The following ASTN2 variants were observed in gnomAD, a reference collection of about 807,000 sequenced individuals.
ASTN2 encodes astrotactin-2.
A neutral mutation model predicts 139.8 loss-of-function variants in ASTN2; 54 were observed. The ratio of observed to expected loss-of-function variants is 0.39; its 90% CI spans 0.31 to 0.48. The LOEUF is 0.48. Among genes scored for constraint, ASTN2 ranks in the 20% least tolerant of loss-of-function variants. ASTN2 has a pLI of 0.95. For missense variants in ASTN2, 1,565 were observed against 1,725.1 expected, an observed-to-expected ratio of 0.91 and a Z score of 1.64; for synonymous variants, 756 against 719.5, an observed-to-expected ratio of 1.05 and a Z score of -0.81.
chr9:116,833,959 G>T (rs1831904082), intron 11 of ASTN2, among the ~76,000 whole-genome samples: 1 of 84,916 alleles, frequency 1.2e-5, no homozygotes, highest in South Asian at 3.8e-4. Context: ...AGGCAAGCAA[G>T]GAAAAGGGAA....
chr9:116,616,544 G>A (rs553162524), intron 19 of ASTN2, among the ~76,000 whole-genome samples: 5 of 152,270 alleles, frequency 3.3e-5, no homozygotes, highest in African/African-American at 9.6e-5. Flanking sequence ...AGTCACATAC[G>A]TCTTTGGGAT....
chr9:117,398,593 A>G (rs1429036778), intron 1 of ASTN2, among the ~76,000 whole-genome samples: 1 of 152,156 alleles, frequency 6.6e-6, no homozygotes, highest in Non-Finnish European at 1.5e-5. Flanking sequence ...CCTTGGACAA[A>G]TCTCTTCCCC....
chr9:116,567,893 T>C (rs1267390495), intron 19 of ASTN2, among the ~76,000 whole-genome samples: 2 of 152,156 alleles, frequency 1.3e-5, no homozygotes, highest in Non-Finnish European at 2.9e-5. Flanking sequence ...ATCCCAGATA[T>C]GAAAACCAAG....
intron 15 of ASTN2, among the ~76,000 whole-genome samples, chr9:116,727,781 A>G (rs1323618845): frequency 3.9e-5 from 6 of 152,208 alleles, no homozygotes; most frequent in Non-Finnish European, 8.8e-5. Flanking sequence ...TGGGCAAGTT[A>G]TTTAACCTCC....
At chr9:117,024,604 T>C (rs1162676302) in intron 6 of ASTN2, among the ~76,000 whole-genome samples, 2 of 151,958 alleles carry the variant, frequency 1.3e-5, no homozygotes, top group Non-Finnish European at 1.5e-5. Context: ...ATAATCAGTG[T>C]AGTGATAAAG....
At chr9:117,149,013 A>ATTTATT (rs1239164045) in intron 3 of ASTN2, among the ~76,000 whole-genome samples, 2 of 151,106 alleles carry the variant, frequency 1.3e-5, no homozygotes, top group African/African-American at 4.9e-5. Context: ...TTAATTTTAA[A>ATTTATT]TTTATTTTTA....
intron 11 of ASTN2, among the ~76,000 whole-genome samples, chr9:116,822,438 G>A (rs775880371): frequency 6.6e-6 from 1 of 152,104 alleles, no homozygotes. Context: ...CTCAGAGGAA[G>A]CCCCTGCTTG....
intron 13 of ASTN2, among the ~76,000 whole-genome samples, chr9:116,791,415 C>T (rs1830554832): frequency 1.3e-5 from 2 of 152,198 alleles, no homozygotes; most frequent in South Asian, 4.1e-4. Flanking sequence ...CTGTGGACTC[C>T]ATTAAGAATG....
intron 1 of ASTN2, among the ~76,000 whole-genome samples, chr9:117,347,990 G>C (rs71507513): frequency 0.014 from 2,061 of 152,282 alleles, 12 homozygotes; most frequent in Non-Finnish European, 0.021. Flanking sequence ...ATTCTAATCA[G>C]GGTCTATTAC....
In ASTN2 at chr9:116,425,572, C is replaced by A; in HGVS notation, c.*279G>T. On this transcript the variant is annotated 3_prime_UTR_variant, in exon 23 of 23. Coordinates refer to ENST00000313400, the MANE Select transcript of ASTN2 (RefSeq NM_001365068.1). ...AAAACTTCTGCCTCGGGATTGACAG[C>A]CATCCATAAGAAAAGGTTTAAAAAG... 8.7e-6 allele frequency: 14 copies of A among 1,613,084 alleles called. No homozygotes were observed. Among genetic ancestry groups the A allele is most frequent in the Non-Finnish European group, 1.2e-5 (14 of 1,179,744 alleles).
intron 1 of ASTN2, among the ~76,000 whole-genome samples, chr9:117,322,495 A>G (rs556001713): frequency 3.3e-5 from 5 of 152,294 alleles, no homozygotes; most frequent in South Asian, 4.1e-4. Flanking sequence ...GAGCAGAGAT[A>G]ACTCATCTAA....
intron 3 of ASTN2, among the ~76,000 whole-genome samples, chr9:117,175,180 A>C (rs1041147098): frequency 6.6e-6 from 1 of 152,138 alleles, no homozygotes; most frequent in Non-Finnish European, 1.5e-5. Context: ...ATGTAATACA[A>C]GTGAAAAGAT....
chr9:117,201,770 A>AT (rs1831729279), intron 3 of ASTN2, among the ~76,000 whole-genome samples: 1 of 152,106 alleles, frequency 6.6e-6, no homozygotes, highest in Admixed American at 6.6e-5. Context: ...AATGTGGTTG[A>AT]TTTTAGAATA....
In ASTN2 at chr9:116,948,785, G is replaced by GTTTTTTTTTTTTTT. The variant is rs58832163; in HGVS notation, c.1889+26409_1889+26422dup. 2.5e-3 allele frequency among the ~76,000 whole-genome samples: 124 copies of GTTTTTTTTTTTTTT among 49,474 alleles called. 31 individuals are homozygous for GTTTTTTTTTTTTTT. The highest frequency in any genetic ancestry group is 0.01 in the African/African-American group (119 of 11,590). 32.5% of individuals were successfully genotyped at this position (49,474 alleles called of 152,430 possible). On this transcript the variant is annotated intron_variant, in intron 10 of 22. Coordinates refer to ENST00000313400, the MANE Select transcript of ASTN2 (RefSeq NM_001365068.1). ...AGAGAGAGGAGAGAAATAATTTGGTGTTTTTTTTTTTTTTTTTTTTTTTTT... is the reference window on the plus strand; with the variant it reads ...AGAGAGAGGAGAGAAATAATTTGGTGTTTTTTTTTTTTTTTTTTTTTTTTTTTTTTTTTTTTTTT...
rs529502371 is a variant in ASTN2, at chr9:117,152,391, G to C, written c.1016-10913C>G. Among the ~76,000 whole-genome samples, 25 of 152,100 alleles carry C rather than the reference G, an allele frequency of 1.6e-4. No individual in the cohort carries two copies. In the East Asian group the frequency reaches 4.9e-3, roughly 30 times the overall value. On this transcript the variant is annotated intron_variant, in intron 3 of 22. Coordinates refer to ENST00000313400, the MANE Select transcript of ASTN2 (RefSeq NM_001365068.1). ...CCTTCCTGGATCCTGTAACATTCAG[G>C]GTTTTCATCTCCATTCTACTTCATC...
At chr9:116,770,358 A>G (rs997571193) in intron 13 of ASTN2, among the ~76,000 whole-genome samples, 1 of 152,162 alleles carries the variant, frequency 6.6e-6, no homozygotes, top group African/African-American at 2.4e-5. Context: ...TACATCTTCT[A>G]CAGGACAATG....
At chr9:116,859,134 T>A (rs1313713077) in intron 11 of ASTN2, among the ~76,000 whole-genome samples, 1 of 152,242 alleles carries the variant, frequency 6.6e-6, no homozygotes, top group African/African-American at 2.4e-5. Flanking sequence ...ACTCCTCTGC[T>A]TTCCTGAGCA....
chr9:116,659,215 A>G (rs1225305748), intron 16 of ASTN2, among the ~76,000 whole-genome samples: 1 of 152,220 alleles, frequency 6.6e-6, no homozygotes, highest in African/African-American at 2.4e-5. Flanking sequence ...TTAAATGAAT[A>G]TATTTCTCTC....
rs1016181346 is a variant in ASTN2, at chr9:117,128,909, A to G, written c.1168+12417T>C. Among the ~76,000 whole-genome samples, 10 of 152,336 alleles carry G rather than the reference A, an allele frequency of 6.6e-5. No individual in the cohort carries two copies. In the East Asian group the frequency reaches 1.4e-3, roughly 21 times the overall value. ...AAAAGCGGAAACCCCTGATAAAACT[A>G]TCAGATCTCATGAGACTTATTCGCT... is the stretch of plus-strand genomic sequence containing the variant. On this transcript the variant is annotated intron_variant, in intron 4 of 22. Transcript: ENST00000313400.
Sources: gnomAD v4.1 joint callset for allele counts (sites outside exome capture counted in the v4.1 genomes callset) on GRCh38, gnomAD v4.1.1 for gene constraint, MANE v1.5 for transcripts, NCBI Gene and HGNC (gene_info 2026-07-23, HGNC 2026-07-21) for gene names.